FOCAD: variants seen among roughly 807,000 people sequenced by gnomAD.
FOCAD encodes focadhesin.
In FOCAD, 198 loss-of-function variants were observed where a neutral mutation model predicts 225.6. The observed-to-expected ratio is 0.88, with a 90% CI of 0.78 to 0.99. FOCAD has a LOEUF of 0.99. FOCAD is among the 50% of genes least tolerant of loss of function. The probability of loss-of-function intolerance (pLI) is 0.00; values close to 1 mark genes in which losing one functional copy is unlikely to be tolerated. For synonymous variants in FOCAD, 897 were observed against 755.0 expected (o/e 1.19, Z -3.08); for missense variants, 2,713 against 2,123.6 (o/e 1.28, Z -5.46).
chr9:20,756,065 G>A (rs772448203), intron 5 of FOCAD, among the ~76,000 whole-genome samples: 12 of 152,076 alleles, frequency 7.9e-5, no homozygotes, highest in Non-Finnish European at 1.3e-4. Flanking sequence ...ATTTTTCTTA[G>A]TATTTGTGGC....
intron 2 of FOCAD, 68 bp from the exon 3 acceptor site, chr9:20,717,726 T>G: frequency 1.6e-6 from 2 of 1,219,752 alleles, no homozygotes; most frequent in South Asian, 2.6e-5. Flanking sequence ...CATACTCATA[T>G]CAACTAGTAT....
At chr9:20,697,270 T>G (rs764760898) in intron 1 of FOCAD, among the ~76,000 whole-genome samples, 1 of 152,216 alleles carries the variant, frequency 6.6e-6, no homozygotes, top group Non-Finnish European at 1.5e-5. Context: ...CTTTTTCTTT[T>G]TTTCTATCCT....
At chr9:20,779,618 CG>C (rs530384252) in intron 9 of FOCAD, among the ~76,000 whole-genome samples, 1 of 152,078 alleles carries the variant, frequency 6.6e-6, no homozygotes, top group South Asian at 2.1e-4. Context: ...GGCGTGGTGG[CG>C]CATGCCTGTA....
chr9:20,714,634 G>GCCTTCCTTCCTTCCTT (rs749635014), intron 1 of FOCAD, among the ~76,000 whole-genome samples: 1 of 120,066 alleles, frequency 8.3e-6, no homozygotes, highest in Non-Finnish European at 1.7e-5. Flanking sequence ...CTGCCTGCCT[G>GCCTTCCTTCCTTCCTT]CCTTCCTTCC....
chr9:20,875,718 G>C (rs1229741332), intron 19 of FOCAD: 1 of 152,048 alleles, frequency 6.6e-6, no homozygotes, highest in South Asian at 2.1e-4. Context: ...AATGGTAGAC[G>C]ATACCATTTG....
intron 24 of FOCAD, among the ~76,000 whole-genome samples, chr9:20,922,366 A>G (rs1834521715): frequency 6.6e-6 from 1 of 152,178 alleles, no homozygotes; most frequent in African/African-American, 2.4e-5. Flanking sequence ...GAACAAAATG[A>G]TCAAGGCTTC....
intron 4 of FOCAD, among the ~76,000 whole-genome samples, chr9:20,727,384 C>G (rs1826287121): frequency 1.3e-5 from 2 of 152,138 alleles, no homozygotes; most frequent in African/African-American, 2.4e-5. Flanking sequence ...GATTTAAGAA[C>G]AGTGGCTACT....
At chr9:20,709,219 G>T (rs371823621) in intron 1 of FOCAD, among the ~76,000 whole-genome samples, 3 of 152,000 alleles carry the variant, frequency 2.0e-5, no homozygotes, top group African/African-American at 7.3e-5. Context: ...GATTCACTGG[G>T]AACTTAAAGA....
chr9:20,904,168 A>G (rs535494429), intron 21 of FOCAD, among the ~76,000 whole-genome samples: 18 of 152,104 alleles, frequency 1.2e-4, no homozygotes, highest in African/African-American at 4.1e-4. Flanking sequence ...GTTGATGGAC[A>G]TTTGGATTGT....
At chr9:20,798,481 C>CT (rs914597208) in intron 11 of FOCAD, among the ~76,000 whole-genome samples, 1 of 151,994 alleles carries the variant, frequency 6.6e-6, no homozygotes, top group African/African-American at 2.4e-5. Context: ...TGGTCCTGGA[C>CT]TTTTTTTGGT....
chr9:20,941,926 C>T (rs753621384), intron 28 of FOCAD, among the ~76,000 whole-genome samples: 3 of 152,310 alleles, frequency 2.0e-5, no homozygotes, highest in Non-Finnish European at 2.9e-5. Flanking sequence ...AATTGCTGAA[C>T]TAAGCACCTG....
intron 1 of FOCAD, among the ~76,000 whole-genome samples, chr9:20,695,891 A>G (rs1415148471): frequency 3.3e-5 from 5 of 152,374 alleles, no homozygotes; most frequent in South Asian, 4.1e-4. Context: ...TTTGTTGTGT[A>G]TAGTCAAGAT....
At chr9:20,965,168 C>T (rs1839148052) in intron 35 of FOCAD, among the ~76,000 whole-genome samples, 1 of 152,126 alleles carries the variant, frequency 6.6e-6, no homozygotes, top group South Asian at 2.1e-4. Context: ...GAAAGAAAGA[C>T]TGAGAAAATA....
At chr9:20,903,173 C>G (rs1832692149) in intron 21 of FOCAD, among the ~76,000 whole-genome samples, 1 of 151,940 alleles carries the variant, frequency 6.6e-6, no homozygotes, top group South Asian at 2.1e-4. Flanking sequence ...AACAATCTCA[C>G]ATGACCAAGA....
intron 3 of FOCAD, among the ~76,000 whole-genome samples, chr9:20,719,745 C>T (rs1281098154): frequency 1.5e-5 from 2 of 137,592 alleles, no homozygotes; most frequent in Non-Finnish European, 3.2e-5. Flanking sequence ...GGGAAAGTCA[C>T]AGTTTCTTTC....
At chr9:20,823,923 T>G (rs766959255) in intron 15 of FOCAD, among the ~76,000 whole-genome samples, 2 of 152,122 alleles carry the variant, frequency 1.3e-5, no homozygotes, top group Non-Finnish European at 2.9e-5. Context: ...CTCTGCAGTA[T>G]AGGGATTAAC....
chr9:20,827,543 G>T (rs1388060370), intron 15 of FOCAD, among the ~76,000 whole-genome samples: 2 of 150,964 alleles, frequency 1.3e-5, no homozygotes, highest in South Asian at 4.2e-4. Flanking sequence ...TACACACCAT[G>T]GAATATTATT....
chr9:20,723,992 G>C (rs889327156), intron 4 of FOCAD, among the ~76,000 whole-genome samples: 1 of 152,070 alleles, frequency 6.6e-6, no homozygotes, highest in East Asian at 1.9e-4. Context: ...GAGAGGGGGA[G>C]GTCCAAGATT....
intron 8 of FOCAD, among the ~76,000 whole-genome samples, chr9:20,770,551 C>G (rs991037472): frequency 3.3e-5 from 5 of 152,318 alleles, no homozygotes; most frequent in African/African-American, 1.2e-4. Context: ...TTGTGCTAAA[C>G]CATTCATGAG....
Sources: gnomAD v4.1 joint callset for allele counts (sites outside exome capture counted in the v4.1 genomes callset) on GRCh38, gnomAD v4.1.1 for gene constraint, MANE v1.5 for transcripts, NCBI Gene and HGNC (gene_info 2026-07-23, HGNC 2026-07-21) for gene names.